TOGARAM2: variants seen among roughly 807,000 people sequenced by gnomAD.
TOGARAM2 encodes TOG array regulator of axonemal microtubules 2.
Under a neutral mutation model 93.3 loss-of-function variants are expected in TOGARAM2, and 85 were observed. The ratio of observed to expected loss-of-function variants is 0.91; its 90% CI spans 0.76 to 1.09. The LOEUF is 1.09. Among genes scored for constraint, TOGARAM2 ranks in the 50% least tolerant of loss-of-function variants. The pLI is 0.00. For synonymous variants in TOGARAM2, 593 were observed against 552.8 expected (o/e 1.07, Z -1.02); for missense variants, 1,277 against 1,334.5 (o/e 0.96, Z 0.67).
intron 1 of TOGARAM2, among the ~76,000 whole-genome samples, chr2:28,992,547 A>G (rs1672785829): frequency 6.6e-6 from 1 of 152,142 alleles, no homozygotes; most frequent in African/African-American, 2.4e-5. Flanking sequence ...CTTGTTCAGA[A>G]GGCCCACTGC....
intron 12 of TOGARAM2, 45 bp downstream of exon 12, chr2:29,023,236 G>A (rs1214316265): frequency 2.8e-6 from 4 of 1,443,158 alleles, no homozygotes; most frequent in Non-Finnish European, 3.8e-6. Flanking sequence ...CCCCACTGCA[G>A]CTGCTGGATG....
At chr2:29,043,009 C>G (rs1249569453) in intron 18 of TOGARAM2, among the ~76,000 whole-genome samples, 1 of 152,210 alleles carries the variant, frequency 6.6e-6, no homozygotes, top group Non-Finnish European at 1.5e-5. Context: ...AGAGAATGTT[C>G]TAGGCTGAGC....
At chr2:28,961,548 C>T (rs1671805137) in intron 1 of TOGARAM2, among the ~76,000 whole-genome samples, 1 of 152,098 alleles carries the variant, frequency 6.6e-6, no homozygotes. Flanking sequence ...ACCATGTTGG[C>T]CAGGCTGGTC....
chr2:29,020,707 A>G (rs928416345), intron 10 of TOGARAM2, among the ~76,000 whole-genome samples: 12 of 152,348 alleles, frequency 7.9e-5, no homozygotes, highest in South Asian at 2.1e-4. Flanking sequence ...TGCTCGCTCC[A>G]GAAGACTGAG....
At chr2:28,999,490 C>A (rs564333943) in intron 4 of TOGARAM2, 22 bp downstream of exon 4, 2 of 1,562,680 alleles carry the variant, frequency 1.3e-6, no homozygotes, top group Admixed American at 3.7e-5. Flanking sequence ...CCCCTGCCCA[C>A]CCCTCACCCA....
chr2:28,997,867 G>A (rs1179302776), intron 2 of TOGARAM2, among the ~76,000 whole-genome samples: 4 of 152,126 alleles, frequency 2.6e-5, no homozygotes, highest in Non-Finnish European at 5.9e-5. Context: ...GCATGGAGGG[G>A]GGTTTGGAAC....
chr2:29,004,023 TCTCA>T (rs1311151127), intron 6 of TOGARAM2, among the ~76,000 whole-genome samples: 1 of 152,142 alleles, frequency 6.6e-6, no homozygotes, highest in African/African-American at 2.4e-5. Context: ...TGAGATGGAG[TCTCA>T]CTCTGTCGCC....
chr2:28,966,222 C>G (rs1342985933), intron 1 of TOGARAM2, among the ~76,000 whole-genome samples: 1 of 149,806 alleles, frequency 6.7e-6, no homozygotes, highest in Non-Finnish European at 1.5e-5. Context: ...AACTCCTGAC[C>G]TCAGGTGATC....
At chr2:29,022,421 G>A in intron 11 of TOGARAM2, 113 bp downstream of exon 11, 1 of 1,461,522 alleles carries the variant, frequency 6.8e-7, no homozygotes, top group Non-Finnish European at 9.2e-7. Context: ...CCAGCACCAT[G>A]GAGCATAAAA....
intron 1 of TOGARAM2, among the ~76,000 whole-genome samples, chr2:28,982,654 A>G (rs1572627095): frequency 6.6e-6 from 1 of 152,084 alleles, no homozygotes. Context: ...CTCTGGAGAG[A>G]CCTGCCTCTG....
chr2:28,971,972 G>T (rs555888916), intron 1 of TOGARAM2, among the ~76,000 whole-genome samples: 1 of 152,318 alleles, frequency 6.6e-6, no homozygotes, highest in South Asian at 2.1e-4. Flanking sequence ...TGGTCATATA[G>T]ATTTGGAAAT....
intron 1 of TOGARAM2, among the ~76,000 whole-genome samples, chr2:28,974,691 A>C (rs1162690027): frequency 6.7e-6 from 1 of 150,248 alleles, no homozygotes; most frequent in Non-Finnish European, 1.5e-5. Flanking sequence ...TTGGCTCACT[A>C]AAGCCTCTGC....
At chr2:29,008,560 A>G (rs116447238) in intron 6 of TOGARAM2, among the ~76,000 whole-genome samples, 11,445 of 152,178 alleles carry the variant, frequency 0.075, 511 homozygotes, top group African/African-American at 0.12. Flanking sequence ...TGGTTCTAGT[A>G]ATTCTTCTGC....
intron 10 of TOGARAM2, among the ~76,000 whole-genome samples, chr2:29,021,044 T>G (rs1664912194): frequency 6.6e-6 from 1 of 152,108 alleles, no homozygotes; most frequent in South Asian, 2.1e-4. Context: ...CTCCCGAGTA[T>G]CTGGGATTAC....
At chr2:28,992,495 G>A (rs1223267778) in intron 1 of TOGARAM2, among the ~76,000 whole-genome samples, 2 of 152,166 alleles carry the variant, frequency 1.3e-5, no homozygotes, top group Non-Finnish European at 2.9e-5. Context: ...GCCTTGGCAT[G>A]TTGACCTCTG....
At chr2:29,037,406 G>A (rs1396194143) in intron 18 of TOGARAM2, among the ~76,000 whole-genome samples, 1 of 152,212 alleles carries the variant, frequency 6.6e-6, no homozygotes, top group Non-Finnish European at 1.5e-5. Flanking sequence ...ACAAGGACGA[G>A]CTTTCCCAAA....
intron 6 of TOGARAM2, among the ~76,000 whole-genome samples, chr2:29,004,877 G>A (rs939134070): frequency 6.7e-6 from 1 of 149,428 alleles, no homozygotes; most frequent in South Asian, 2.1e-4. Flanking sequence ...GCATGTGTGT[G>A]GAGTGTATGT....
intron 2 of TOGARAM2, 97 bp downstream of exon 2, chr2:28,994,959 T>A: frequency 1.4e-6 from 2 of 1,433,714 alleles, no homozygotes; most frequent in Non-Finnish European, 9.6e-7. Flanking sequence ...GATGTGGGGA[T>A]AAAGGGCTGC....
intron 2 of TOGARAM2, among the ~76,000 whole-genome samples, chr2:28,996,601 T>A (rs1275617542): frequency 2.0e-5 from 3 of 151,876 alleles, no homozygotes; most frequent in Non-Finnish European, 4.4e-5. Flanking sequence ...GCGGGCAGAT[T>A]GCATGAGCTC....
Sources: gnomAD v4.1 joint callset for allele counts (sites outside exome capture counted in the v4.1 genomes callset) on GRCh38, gnomAD v4.1.1 for gene constraint, MANE v1.5 for transcripts, NCBI Gene and HGNC (gene_info 2026-07-23, HGNC 2026-07-21) for gene names.